MBNL3: variants seen among roughly 807,000 people sequenced by gnomAD.
The protein encoded by MBNL3 is muscleblind-like protein 3.
A neutral mutation model predicts 24.5 loss-of-function variants in MBNL3; 6 were observed. The observed-to-expected ratio is 0.25, with a 90% CI of 0.13 to 0.48. The LOEUF (loss-of-function observed/expected upper bound fraction) is 0.48. Ranked by LOEUF, MBNL3 falls within the 20% of genes least tolerant of loss-of-function variation. The pLI is 0.99. For synonymous variants in MBNL3, 100 were observed against 101.7 expected, an observed-to-expected ratio of 0.98 and a Z score of 0.10; for missense variants, 230 against 293.5, an observed-to-expected ratio of 0.78 and a Z score of 1.58.
At chrX:132,397,102 G>A (rs1298036271) in intron 3 of MBNL3, among the ~76,000 whole-genome samples, 1 of 104,456 alleles carries the variant, frequency 9.6e-6, no homozygotes, top group Admixed American at 1.1e-4. Context: ...CTAATATTAG[G>A]ATTAGGATTT....
At chrX:132,412,085 CT>C (rs924336258) in intron 2 of MBNL3, among the ~76,000 whole-genome samples, 8 of 108,714 alleles carry the variant, frequency 7.4e-5, no homozygotes, top group Admixed American at 1.9e-4. Flanking sequence ...TAGTTCCTAA[CT>C]TTTTTTTTTC....
intron 1 of MBNL3, among the ~76,000 whole-genome samples, chrX:132,441,474 C>T (rs1945382423): frequency 8.9e-6 from 1 of 112,327 alleles, no homozygotes; most frequent in East Asian, 2.8e-4. Flanking sequence ...TACTTCTATG[C>T]AGGCCCTTCT....
intron 1 of MBNL3, among the ~76,000 whole-genome samples, chrX:132,443,983 G>GACCCC (rs1569453028): frequency 2.0e-4 from 1 of 5,115 alleles, no homozygotes; most frequent in Non-Finnish European, 3.1e-4. Flanking sequence ...TGACTCCAGA[G>GACCCC]TCCGCCCCCC....
At chrX:132,489,428 G>A (rs941621210), upstream of MBNL3, among the ~76,000 whole-genome samples, 1 of 111,904 alleles carries the variant, frequency 8.9e-6, no homozygotes, top group Non-Finnish European at 1.9e-5. Context: ...CTCCCTCGCG[G>A]AGGCCGGGCG....
intron 5 of MBNL3, among the ~76,000 whole-genome samples, chrX:132,389,141 C>T (rs1438749222): frequency 8.9e-6 from 1 of 111,995 alleles, no homozygotes; most frequent in African/African-American, 3.2e-5. Context: ...TATAATTACC[C>T]CTTCAAAAGC....
chrX:132,400,150 C>T (rs1428071668), intron 3 of MBNL3, among the ~76,000 whole-genome samples: 1 of 111,285 alleles, frequency 9.0e-6, no homozygotes, highest in African/African-American at 3.3e-5. Context: ...TGCAGCACAC[C>T]AGCATGGCAC....
rs1424388238 is a variant in MBNL3 at position 132,479,325 on chromosome X, T to C, written c.-704+9526A>G. Among the ~76,000 whole-genome samples the C allele has an allele frequency of 7.1e-5, 8 of 112,485 alleles. No individual in the cohort carries two copies. The Admixed American group carries it at 7.5e-4, about 11-fold the overall frequency. ...TGCTAATTATAAATGTTTGTAAATATTCAGGCCAATCTACTTACAAAAAAC... is the reference window on the plus strand; with the variant it reads ...TGCTAATTATAAATGTTTGTAAATACTCAGGCCAATCTACTTACAAAAAAC... On this transcript the variant is annotated intron_variant, in intron 1 of 8. Coordinates refer to ENST00000370853, the MANE Select transcript of MBNL3 (RefSeq NM_001386889.1).
intron 1 of MBNL3, among the ~76,000 whole-genome samples, chrX:132,455,351 A>C (rs1946318975): frequency 8.9e-6 from 1 of 112,205 alleles, no homozygotes; most frequent in African/African-American, 3.2e-5. Flanking sequence ...GCGTCAATAA[A>C]TGGGGAAGCA....
At chrX:132,436,253 C>T (rs941127720) in intron 2 of MBNL3, among the ~76,000 whole-genome samples, 1 of 112,017 alleles carries the variant, frequency 8.9e-6, no homozygotes, top group Non-Finnish European at 1.9e-5. Context: ...CCATGGACTA[C>T]ACTAGATTTC....
chrX:132,450,922 C>A (rs372120505), intron 1 of MBNL3, among the ~76,000 whole-genome samples: 1 of 112,363 alleles, frequency 8.9e-6, no homozygotes, highest in South Asian at 3.7e-4. Flanking sequence ...AACAGTCAGG[C>A]CTCTCTGCTG....
intron 8 of MBNL3, among the ~76,000 whole-genome samples, chrX:132,379,881 C>A (rs752256723): frequency 9.0e-6 from 1 of 111,663 alleles, no homozygotes; most frequent in South Asian, 3.7e-4. Flanking sequence ...CTATGATACC[C>A]TTTGAGTGCT....
At chrX:132,414,853 C>T (rs900885432) in intron 2 of MBNL3, among the ~76,000 whole-genome samples, 1 of 111,130 alleles carries the variant, frequency 9.0e-6, no homozygotes, top group African/African-American at 3.3e-5. Context: ...ATAGAGTGAA[C>T]TCCCCAAAAA....
At chrX:132,409,710 AC>A (rs1442328592) in intron 2 of MBNL3, among the ~76,000 whole-genome samples, 3 of 111,347 alleles carry the variant, frequency 2.7e-5, no homozygotes, top group Non-Finnish European at 5.7e-5. Flanking sequence ...CAGGCTACGT[AC>A]TAAAATCAGC....
chrX:132,402,393 G>T (rs1038368963), intron 3 of MBNL3, among the ~76,000 whole-genome samples: 1 of 111,933 alleles, frequency 8.9e-6, no homozygotes, highest in Non-Finnish European at 1.9e-5. Context: ...TCAGTAGGGA[G>T]AATCTTTCCT....
Position 132,449,986 on chromosome X carries a change from C to A in MBNL3, c.-703-9672G>T, listed in dbSNP as rs866981334. ...AAGAATGCTGAATATTGCCCCCCCC[C>A]CCCCCCCGCCACTTCTGGCTTGTAG... On this transcript the variant is annotated intron_variant, in intron 1 of 8. Transcript: ENST00000370853. Among the ~76,000 whole-genome samples, 139 of 70,130 alleles carry A rather than the reference C, an allele frequency of 2.0e-3. 7 individuals carry two copies. The highest frequency in any genetic ancestry group is 0.012 in the Middle Eastern group (2 of 172). The allele number at this position is 70,130 out of a possible 115,157, so 60.9% of individuals were successfully genotyped here.
intron 1 of MBNL3, among the ~76,000 whole-genome samples, chrX:132,447,585 T>A (rs1326081568): frequency 7.1e-5 from 8 of 112,090 alleles, no homozygotes. Context: ...ATGCTTGTGA[T>A]TTTTGCACAT....
At chrX:132,382,961 C>T (rs1014468183) in intron 7 of MBNL3, among the ~76,000 whole-genome samples, 3 of 112,130 alleles carry the variant, frequency 2.7e-5, no homozygotes, top group African/African-American at 9.7e-5. Context: ...CACAGTAAAT[C>T]TTGTCTTCAC....
At chrX:132,387,516 C>G (rs1936316104) in intron 5 of MBNL3, among the ~76,000 whole-genome samples, 1 of 110,522 alleles carries the variant, frequency 9.0e-6, no homozygotes, top group Non-Finnish European at 1.9e-5. Context: ...AGATTTCTGC[C>G]TGTTAAAACT....
intron 1 of MBNL3, among the ~76,000 whole-genome samples, chrX:132,459,609 C>T (rs1416200160): frequency 8.9e-6 from 1 of 112,042 alleles, no homozygotes; most frequent in Non-Finnish European, 1.9e-5. Context: ...AGAACCTAGC[C>T]TGGTGCCTAA....
Sources: gnomAD v4.1 joint callset for allele counts (sites outside exome capture counted in the v4.1 genomes callset) on GRCh38, gnomAD v4.1.1 for gene constraint, MANE v1.5 for transcripts, NCBI Gene and HGNC (gene_info 2026-07-23, HGNC 2026-07-21) for gene names.